ANXA6: variants seen among roughly 807,000 people sequenced by gnomAD.
The protein encoded by ANXA6 is 67 kDa calelectrin.
Under a neutral mutation model 95.4 loss-of-function variants are expected in ANXA6, and 71 were observed. The ratio of observed to expected loss-of-function variants is 0.74; its 90% CI spans 0.61 to 0.91. The LOEUF (loss-of-function observed/expected upper bound fraction) is 0.91. Ranked by LOEUF, ANXA6 falls within the 40% of genes least tolerant of loss-of-function variation. ANXA6 has a pLI of 0.00. For synonymous variants in ANXA6, 289 were observed against 315.9 expected, an observed-to-expected ratio of 0.91 and a Z score of 0.90; for missense variants, 830 against 876.4, an observed-to-expected ratio of 0.95 and a Z score of 0.67.
chr5:151,126,780 G>A (rs1022817287), intron 13 of ANXA6, among the ~76,000 whole-genome samples: 1 of 152,036 alleles, frequency 6.6e-6, no homozygotes, highest in African/African-American at 2.4e-5. Context: ...GCAGTGGCTC[G>A]ATCTCAGCTC....
intron 15 of ANXA6, among the ~76,000 whole-genome samples, 190 bp from the exon 16 acceptor site, chr5:151,123,201 C>G (rs560870173): frequency 5.3e-4 from 80 of 152,234 alleles, no homozygotes; most frequent in Non-Finnish European, 8.5e-4. Flanking sequence ...ACTCCTCCCT[C>G]CCTTTCCTTT....
intron 10 of ANXA6, among the ~76,000 whole-genome samples, chr5:151,131,703 T>C (rs1206819856): frequency 6.6e-6 from 1 of 152,076 alleles, no homozygotes; most frequent in Non-Finnish European, 1.5e-5. Flanking sequence ...GGCTGACTAC[T>C]TCAAACAGGG....
rs115312502 is a variant in ANXA6 at position 151,102,070 on chromosome 5, A to G, written c.1963-563T>C. 6.2e-3 allele frequency among the ~76,000 whole-genome samples: 947 copies of G among 152,242 alleles called. 8 individuals are homozygous for G. The highest frequency in any genetic ancestry group is 0.022 in the African/African-American group (906 of 41,534). ...ATTGCTGGGAATGGGTACAAACACC[A>G]TCACGCTCACCACACATCACAGTGG... is the stretch of plus-strand genomic sequence containing the variant. On this transcript the variant is annotated intron_variant, in intron 25 of 25. Coordinates refer to ENST00000354546, the MANE Select transcript of ANXA6 (RefSeq NM_001155.5).
rs61407672 is a variant in ANXA6, at chr5:151,114,613, T to TAAAAA, written c.1572+2509_1572+2513dup. Among the ~76,000 whole-genome samples, 107 of 70,312 alleles carry TAAAAA rather than the reference T, an allele frequency of 1.5e-3. 5 individuals are homozygous for TAAAAA. Among genetic ancestry groups the TAAAAA allele is most frequent in the African/African-American group, 4.9e-3 (93 of 18,956 alleles). The allele number at this position is 70,312 out of a possible 152,430, so 46.1% of individuals were successfully genotyped here. A position where few individuals can be genotyped will look rare whatever the true frequency, so the allele number is the denominator to read the frequency against. On this transcript the variant is annotated intron_variant, in intron 20 of 25. Transcript: ENST00000354546. ...TGGGCAACAGAGCGAGACTCCGTCT[T>TAAAAA]AAAAAAAAAAAAAAAAAAAAAAAAA...
In ANXA6 at chr5:151,101,331, C is replaced by CA; in HGVS notation, c.*116_*117insT. The CA allele has an allele frequency of 5.5e-5, 15 of 272,558 alleles. No individual in the cohort carries two copies. The highest frequency in any genetic ancestry group is 3.2e-4 in the Admixed American group (6 of 18,582). The allele number at this position is 272,558 out of a possible 1,614,324, so 16.9% of individuals were successfully genotyped here. ...CACTGAAGATAAGAGCCCAACCCAACCCCTCCCCCCACCCCTGCCCCTTCC... is the reference window on the plus strand; with the variant it reads ...CACTGAAGATAAGAGCCCAACCCAACACCCTCCCCCCACCCCTGCCCCTTCC... On this transcript the variant is annotated 3_prime_UTR_variant, in exon 26 of 26. Transcript: ENST00000354546.
intron 17 of ANXA6, among the ~76,000 whole-genome samples, chr5:151,120,206 C>T (rs1765123667): frequency 1.3e-5 from 2 of 152,022 alleles, no homozygotes; most frequent in Admixed American, 1.3e-4. Context: ...TGAACTGAGG[C>T]GTTACATGCC....
At chr5:151,141,527 T>C (rs1765835041) in intron 2 of ANXA6, 2 of 985,316 alleles carry the variant, frequency 2.0e-6, no homozygotes, top group Non-Finnish European at 2.4e-6. Flanking sequence ...GCCACACAGA[T>C]CTTGCCTTCA....
Position 151,140,172 on chromosome 5 carries a change from G to A in ANXA6, c.90C>T (p.Tyr30=), listed in dbSNP as rs535830681. Residue 30 remains tyrosine (Y), a synonymous_variant, in exon 3 of 26, where the codon TAC becomes TAT. Transcript: ENST00000354546. ...ACCCACCAAAGCCCTTCATGGCAGT[G>A]TACAGAGCCTCGGCATCCTGGTTGG... ...FDPNQDAEAL[Y]TAMKGFGSDK... 2.5e-6 allele frequency: 4 copies of A among 1,613,958 alleles called. No individual in the cohort carries two copies. Among genetic ancestry groups the A allele is most frequent in the South Asian group, 1.1e-5 (1 of 91,072 alleles).
At chr5:151,131,395 A>C in intron 10 of ANXA6, 106 bp from the exon 11 acceptor site, 1 of 1,169,838 alleles carries the variant, frequency 8.5e-7, no homozygotes, top group South Asian at 1.3e-5. Context: ...ACCTAGCTCA[A>C]TACAGGAAGA....
intron 3 of ANXA6, among the ~76,000 whole-genome samples, chr5:151,139,910 C>T (rs1365596457): frequency 2.0e-5 from 3 of 152,204 alleles, no homozygotes; most frequent in Non-Finnish European, 4.4e-5. Flanking sequence ...TTCAACTATG[C>T]TAATGAAGCA....
chr5:151,139,199 C>T (rs934363768), intron 4 of ANXA6, 154 bp downstream of exon 4: 24 of 616,264 alleles, frequency 3.9e-5, no homozygotes, highest in Admixed American at 9.0e-5. Context: ...GGCTGAAAGA[C>T]GCCCAGCTGA....
chr5:151,120,633 C>T (rs754378343), intron 17 of ANXA6, among the ~76,000 whole-genome samples: 15 of 152,096 alleles, frequency 9.9e-5, no homozygotes, highest in Non-Finnish European at 2.2e-4. Context: ...GCAGGAGAAT[C>T]GCTTGAACCT....
At chr5:151,123,324 C>T (rs1029939192) in intron 15 of ANXA6, among the ~76,000 whole-genome samples, 1 of 152,182 alleles carries the variant, frequency 6.6e-6, no homozygotes, top group African/African-American at 2.4e-5. Context: ...GGGCAAGTCC[C>T]CTTCCCTTGA....
intron 22 of ANXA6, 64 bp downstream of exon 22, chr5:151,109,689 A>G: frequency 7.6e-7 from 1 of 1,316,388 alleles, no homozygotes; most frequent in Non-Finnish European, 1.1e-6. Flanking sequence ...CAGAGAGCTG[A>G]GAGGCTCTCA....
intron 15 of ANXA6, among the ~76,000 whole-genome samples, chr5:151,123,745 G>T (rs1384713592): frequency 6.6e-6 from 1 of 152,182 alleles, no homozygotes; most frequent in South Asian, 2.1e-4. Flanking sequence ...ACCCTAGATG[G>T]CCTGTCCCAG....
chr5:151,120,842 A>G (rs1049625153), intron 17 of ANXA6, among the ~76,000 whole-genome samples: 2 of 152,202 alleles, frequency 1.3e-5, no homozygotes, highest in African/African-American at 2.4e-5. Context: ...GAGATCTTCA[A>G]TCATTTCTTT....
intron 7 of ANXA6, 32 bp downstream of exon 7, chr5:151,136,224 C>G (rs199908778): frequency 6.2e-7 from 1 of 1,610,078 alleles, no homozygotes; most frequent in Admixed American, 1.7e-5. Context: ...CTATCCCAAG[C>G]TCCAGAGGAA....
At chr5:151,155,047 T>C (rs1042844707) in intron 1 of ANXA6, 2 of 152,096 alleles carry the variant, frequency 1.3e-5, no homozygotes, top group Non-Finnish European at 2.9e-5. Flanking sequence ...AAGACAAGTC[T>C]AGAGCTTAGA....
chr5:151,136,375 AC>A, intron 6 of ANXA6, 40 bp from the exon 7 acceptor site: 2 of 1,592,308 alleles, frequency 1.3e-6, no homozygotes, highest in Non-Finnish European at 1.7e-6. Flanking sequence ...ATCCCCAGAG[AC>A]CTCAGGGATC....
Sources: gnomAD v4.1 joint callset for allele counts (sites outside exome capture counted in the v4.1 genomes callset) on GRCh38, gnomAD v4.1.1 for gene constraint, MANE v1.5 for transcripts, NCBI Gene and HGNC (gene_info 2026-07-23, HGNC 2026-07-21) for gene names.